The following NFKB1 variants were observed in gnomAD, a reference collection of about 807,000 sequenced individuals.
The protein encoded by NFKB1 is nuclear factor NF-kappa-B p105 subunit.
In NFKB1, 9 loss-of-function variants were observed where a neutral mutation model predicts 105.1. The ratio of observed to expected loss-of-function variants is 0.09; its 90% CI spans 0.05 to 0.15. The LOEUF is 0.15. NFKB1 is among the 10% of genes least tolerant of loss of function. The probability of loss-of-function intolerance (pLI) is 1.00; values close to 1 mark genes in which losing one functional copy is unlikely to be tolerated. For synonymous variants in NFKB1, 440 were observed against 442.2 expected (o/e 1.00, Z 0.06); for missense variants, 830 against 1,203.7 (o/e 0.69, Z 4.59).
In NFKB1 at chr4:102,616,776, T is replaced by C. The variant is rs1243774744; in HGVS notation, c.*182T>C. ...TTCTTGGTTCATAAATGAATTTTAG[T>C]TTGGTTCACTTACAGATAGTATCTA... On this transcript the variant is annotated 3_prime_UTR_variant, in exon 24 of 24. Coordinates refer to ENST00000226574, the MANE Select transcript of NFKB1 (RefSeq NM_003998.4). 2 of 605,766 alleles carry C rather than the reference T, an allele frequency of 3.3e-6. No individual in the cohort carries two copies. Among genetic ancestry groups the C allele is most frequent in the Non-Finnish European group, 5.6e-6 (2 of 357,154 alleles). The allele number at this position is 605,766 out of a possible 1,614,324, so 37.5% of individuals were successfully genotyped here.
chr4:102,610,563 C>G lies in NFKB1; in HGVS notation c.2228-12C>G. The G allele has an allele frequency of 6.2e-7, 1 of 1,613,526 alleles. No individual in the cohort carries two copies. The highest frequency in any genetic ancestry group is 8.5e-7 in the Non-Finnish European group (1 of 1,179,634). On this transcript the variant is annotated splice_polypyrimidine_tract_variant and intron_variant, in intron 19 of 23. Transcript: ENST00000226574. ...CTGGGTTTACCTAATGCTGTGTAAT[C>G]TAACTTCGCAGGAGCAGATCCCCTG...
chr4:102,570,819 T>C (rs1724277013), intron 6 of NFKB1, among the ~76,000 whole-genome samples: 1 of 152,166 alleles, frequency 6.6e-6, no homozygotes, highest in South Asian at 2.1e-4. Flanking sequence ...AACCCCTGCT[T>C]AATGAAATAA....
At position 102,579,647 on chromosome 4, in the gene NFKB1, ATAT is replaced by A. The variant is rs1171559445; in HGVS notation, c.730+609_730+611del. ...ATGAGACCCCATCTCAAAAAAAAAA[ATAT>A]ATATATATATATATGTATATATATA... On this transcript the variant is annotated intron_variant, in intron 8 of 23. Coordinates refer to ENST00000226574, the MANE Select transcript of NFKB1 (RefSeq NM_003998.4). Among the ~76,000 whole-genome samples, 115 of 134,592 alleles carry A rather than the reference ATAT, an allele frequency of 8.5e-4. 2 individuals carry two copies. The highest frequency in any genetic ancestry group is 1.1e-3 in the South Asian group (5 of 4,364). 88.3% of individuals were successfully genotyped at this position (134,592 alleles called of 152,430 possible).
intron 1 of NFKB1, among the ~76,000 whole-genome samples, chr4:102,502,943 A>G (rs1337036486): frequency 6.6e-6 from 1 of 152,142 alleles, no homozygotes; most frequent in East Asian, 1.9e-4. Flanking sequence ...ATATTCAATA[A>G]TTTTTTTCTA....
chr4:102,575,207 A>T, intron 6 of NFKB1, among the ~76,000 whole-genome samples: 1 of 152,204 alleles, frequency 6.6e-6, no homozygotes, highest in East Asian at 1.9e-4. Flanking sequence ...CTCTGCCTTC[A>T]AGGAGCTTAT....
chr4:102,602,555 G>C (rs937320083), intron 16 of NFKB1, among the ~76,000 whole-genome samples: 1 of 149,242 alleles, frequency 6.7e-6, no homozygotes, highest in African/African-American at 2.5e-5. Flanking sequence ...AAAAAAAAAA[G>C]TGTGCTTTAA....
chr4:102,568,841 T>G (rs1724086525), intron 6 of NFKB1, among the ~76,000 whole-genome samples: 1 of 152,092 alleles, frequency 6.6e-6, no homozygotes, highest in Non-Finnish European at 1.5e-5. Flanking sequence ...GGCTCAGTAG[T>G]TGGGAGAACT....
rs1421562485 is a variant in NFKB1, at chr4:102,501,569, A to G, written c.-227A>G. Reference sequence around the variant, plus strand: ...AGTAAGGCGGCGCCGCCGCCCGGCCACCGCGCGCCCTGCGCTTCCCTCCGC... The same window carrying G: ...AGTAAGGCGGCGCCGCCGCCCGGCCGCCGCGCGCCCTGCGCTTCCCTCCGC... On this transcript the variant is annotated 5_prime_UTR_variant, in exon 1 of 24. Coordinates refer to ENST00000226574, the MANE Select transcript of NFKB1 (RefSeq NM_003998.4). The G allele has an allele frequency of 1.4e-5, 2 of 146,428 alleles. No homozygotes were observed. The highest frequency in any genetic ancestry group is 3.0e-5 in the Non-Finnish European group (2 of 65,954). The allele number at this position is 146,428 out of a possible 1,614,324, so 9.1% of individuals were successfully genotyped here. A position where few individuals can be genotyped will look rare whatever the true frequency, so the allele number is the denominator to read the frequency against.
rs1722141872 is a variant in NFKB1 at position 102,546,380 on chromosome 4, A to C, written c.258+8424A>C. Among the ~76,000 whole-genome samples the C allele has an allele frequency of 2.0e-5, 3 of 152,258 alleles. No homozygotes were observed. In the South Asian group the frequency reaches 6.2e-4, roughly 32 times the overall value. ...TGGGAGACAGTGCAGTGTGGCTCTC[A>C]AACCTTACTACCCATAAAAATCTGC... On this transcript the variant is annotated intron_variant, in intron 5 of 23. Coordinates refer to ENST00000226574, the MANE Select transcript of NFKB1 (RefSeq NM_003998.4).
intron 4 of NFKB1, 144 bp from the exon 5 acceptor site, chr4:102,537,714 G>A (rs2149127722): frequency 2.0e-6 from 1 of 493,572 alleles, no homozygotes; most frequent in Admixed American, 3.8e-5. Context: ...AGTGATTCTT[G>A]TTTACGGAGC....
Position 102,597,600 on chromosome 4 carries a change from G to A in NFKB1, c.1576G>A (p.Val526Met), listed in dbSNP as rs1320374807. The change falls in exon 15 of 24, where the codon GTG (valine) becomes ATG (methionine). Residue 526 changes from valine (V) to methionine (M), a missense_variant. By Grantham distance (21) the Val-to-Met change is conservative. Transcript: ENST00000226574. Reference sequence around the variant, plus strand: ...TTTCGACTACGCGGTGACAGGAGACGTGAAGATGCTGCTGGCCGTCCAGCG... The same window carrying A: ...TTTCGACTACGCGGTGACAGGAGACATGAAGATGCTGCTGGCCGTCCAGCG... ...ALFDYAVTGD[V>M]KMLLAVQRHL... 19 of 1,613,950 alleles carry A rather than the reference G, an allele frequency of 1.2e-5. No individual in the cohort carries two copies. The East Asian group carries it at 1.8e-4, about 15-fold the overall frequency.
At chr4:102,615,516 C>T (rs4648136) in intron 23 of NFKB1, among the ~76,000 whole-genome samples, 3,097 of 152,296 alleles carry the variant, frequency 0.02, 51 homozygotes, top group Middle Eastern at 0.037. Flanking sequence ...ATAATGTATC[C>T]GCCGGAAAAC....
intron 15 of NFKB1, among the ~76,000 whole-genome samples, chr4:102,599,961 G>A (rs1365227118): frequency 6.6e-6 from 1 of 152,164 alleles, no homozygotes; most frequent in African/African-American, 2.4e-5. Flanking sequence ...AGTATGTTCA[G>A]CCTCATTAGC....
intron 6 of NFKB1, among the ~76,000 whole-genome samples, chr4:102,572,225 A>G (rs951912514): frequency 6.6e-5 from 10 of 151,590 alleles, no homozygotes; most frequent in African/African-American, 2.4e-4. Flanking sequence ...TGAGCAAACT[A>G]TCGCAAGGAC....
At chr4:102,558,814 C>T (rs540843434) in intron 5 of NFKB1, among the ~76,000 whole-genome samples, 4 of 152,260 alleles carry the variant, frequency 2.6e-5, no homozygotes, top group Admixed American at 2.0e-4. Context: ...CCACACCCAG[C>T]TTCCCCACTC....
chr4:102,603,136 G>A (rs188211662), intron 16 of NFKB1, among the ~76,000 whole-genome samples: 2 of 152,068 alleles, frequency 1.3e-5, no homozygotes, highest in South Asian at 2.1e-4. Context: ...GCAGTGGCGC[G>A]ATCTCGGCTC....
chr4:102,503,787 A>T (rs934847717), intron 1 of NFKB1, among the ~76,000 whole-genome samples: 2 of 152,242 alleles, frequency 1.3e-5, no homozygotes, highest in Admixed American at 1.3e-4. Context: ...TAGTGATTAT[A>T]TTCCTTACAT....
chr4:102,597,811 T>A (rs1223024046), intron 15 of NFKB1, 150 bp downstream of exon 15: 1 of 946,636 alleles, frequency 1.1e-6, no homozygotes, highest in African/African-American at 1.7e-5. Context: ...GTGAATAAGG[T>A]TAAGTAGCAC....
Position 102,581,526 on chromosome 4 carries a change from T to G in NFKB1, c.835+887T>G, listed in dbSNP as rs1202761695. Among the ~76,000 whole-genome samples the G allele has an allele frequency of 2.0e-5, 3 of 152,152 alleles. No individual in the cohort carries two copies. In the East Asian group the frequency reaches 5.8e-4, roughly 29 times the overall value. On this transcript the variant is annotated intron_variant, in intron 9 of 23. Coordinates refer to ENST00000226574, the MANE Select transcript of NFKB1 (RefSeq NM_003998.4). ...TTTACAGGCCAGGCATGGTAACTCATGCCTGTAATCCCAGCACTTTGGGAG... is the reference window on the plus strand; with the variant it reads ...TTTACAGGCCAGGCATGGTAACTCAGGCCTGTAATCCCAGCACTTTGGGAG...
Sources: allele counts gnomAD v4.1 joint callset (sites outside exome capture counted in the v4.1 genomes callset), GRCh38; gene constraint gnomAD v4.1.1; transcripts MANE v1.5; gene names NCBI Gene and HGNC (gene_info 2026-07-23, HGNC 2026-07-21).